SLC6A14: variants seen among roughly 807,000 people sequenced by gnomAD.
SLC6A14 encodes sodium- and chloride-dependent neutral and basic amino acid transporter B(0+).
In SLC6A14, 21 loss-of-function variants were observed where a neutral mutation model predicts 51.4. That is an observed-to-expected ratio of 0.41 (90% CI 0.29 to 0.59). The LOEUF is 0.59. Among genes scored for constraint, SLC6A14 ranks in the 20% least tolerant of loss-of-function variants. The pLI, the probability that SLC6A14 is intolerant of heterozygous loss-of-function variation, is 0.31. For missense variants in SLC6A14, 371 were observed against 472.8 expected (o/e 0.78, Z 2.00); for synonymous variants, 177 against 160.7 (o/e 1.10, Z -0.77).
At chrX:116,450,876 T>G (rs1263436107) in intron 7 of SLC6A14, among the ~76,000 whole-genome samples, 1 of 111,833 alleles carries the variant, frequency 8.9e-6, no homozygotes, top group Non-Finnish European at 1.9e-5. Context: ...CAGGCAGAGA[T>G]TACAGTGAGC....
intron 3 of SLC6A14, 71 bp downstream of exon 3, chrX:116,441,168 T>C (rs1927589615): frequency 1.9e-6 from 2 of 1,061,550 alleles, no homozygotes; most frequent in Admixed American, 4.9e-5. Context: ...TTTGTGCATA[T>C]AGCTACCTTC....
At position 116,459,597 on chromosome X, in the gene SLC6A14, A is replaced by G. The variant is rs908550505; in HGVS notation, c.*642A>G. On this transcript the variant is annotated 3_prime_UTR_variant, in exon 14 of 14. Coordinates refer to ENST00000598581, the MANE Select transcript of SLC6A14 (RefSeq NM_007231.5). ...TTTATAAAAAGTGAAATAAGATGGAAAAATAAGGATCCTACAGCCAGTAAG... is the reference window on the plus strand; with the variant it reads ...TTTATAAAAAGTGAAATAAGATGGAGAAATAAGGATCCTACAGCCAGTAAG... 8.9e-6 allele frequency: 1 copy of G among 112,079 alleles called. No individual in the cohort carries two copies. The highest frequency in any genetic ancestry group is 3.2e-5 in the African/African-American group (1 of 30,855). 9.2% of individuals were successfully genotyped at this position (112,079 alleles called of 1,213,427 possible). A position where few individuals can be genotyped will look rare whatever the true frequency, so the allele number is the denominator to read the frequency against.
rs1927900693 is a variant in SLC6A14, at chrX:116,455,010, T to C, written c.1438T>C (p.Phe480Leu). 1 of 1,205,319 alleles carries C rather than the reference T, an allele frequency of 8.3e-7. No homozygotes were observed. The highest frequency in any genetic ancestry group is 1.8e-5 in the African/African-American group (1 of 57,124). Residue 480 changes from phenylalanine (F) to leucine (L), a missense_variant, in exon 11 of 14, where the codon TTC (phenylalanine) becomes CTC (leucine). Transcript: ENST00000598581. ...GIYWVHLIDH[F>L]CAGWGILIAA... ...TTACTGGGTTCATCTGATTGACCAC[T>C]TCTGTGCTGGATGGGGCATTTTAAT...
chrX:116,454,123 T>G (rs1168141314), intron 9 of SLC6A14, among the ~76,000 whole-genome samples: 1 of 110,934 alleles, frequency 9.0e-6, no homozygotes, highest in African/African-American at 3.3e-5. Flanking sequence ...AAACAGCAAA[T>G]AGCGCTGCAT....
At position 116,447,678 on chromosome X, in the gene SLC6A14, A is replaced by G. The variant is rs1488691626; in HGVS notation, c.930+797A>G. The stretch of plus-strand genomic sequence containing the variant: ...AATGGCACAATCTCTGCTCACTGCA[A>G]ACTGCCTCCCAGGTTCAAGCAATTC... On this transcript the variant is annotated intron_variant, in intron 7 of 13. Coordinates refer to ENST00000598581, the MANE Select transcript of SLC6A14 (RefSeq NM_007231.5). Among the ~76,000 whole-genome samples the G allele has an allele frequency of 7.3e-5, 8 of 109,448 alleles. No homozygotes were observed. In the East Asian group the frequency reaches 2.3e-3, roughly 32 times the overall value.
Position 116,459,536 on chromosome X carries a change from C to T in SLC6A14, c.*581C>T, listed in dbSNP as rs1321518052. 1 of 111,496 alleles carries T rather than the reference C, an allele frequency of 9.0e-6. No individual in the cohort carries two copies. The highest frequency in any genetic ancestry group is 1.9e-5 in the Non-Finnish European group (1 of 53,001). 9.2% of individuals were successfully genotyped at this position (111,496 alleles called of 1,213,427 possible). A position where few individuals can be genotyped will look rare whatever the true frequency, so the allele number is the denominator to read the frequency against. On this transcript the variant is annotated 3_prime_UTR_variant, in exon 14 of 14. Coordinates refer to ENST00000598581, the MANE Select transcript of SLC6A14 (RefSeq NM_007231.5). ...TAAAAACTTCGTGCATTTGTTACAG[C>T]TCATGTTTTCTATATGAACTTAGTC...
At chrX:116,446,591 A>T in intron 6 of SLC6A14, 150 bp from the exon 7 acceptor site, 1 of 400,612 alleles carries the variant, frequency 2.5e-6, no homozygotes. Flanking sequence ...CAAATAAGAA[A>T]TTATGCTAAC....
chrX:116,457,440 T>G (rs1927955590), intron 12 of SLC6A14, among the ~76,000 whole-genome samples, 169 bp from the exon 13 acceptor site: 1 of 111,985 alleles, frequency 8.9e-6, no homozygotes, highest in African/African-American at 3.2e-5. Flanking sequence ...TTTGGTTCAT[T>G]CCATATTGTT....
At position 116,455,021 on chromosome X, in the gene SLC6A14, A is replaced by T. The variant is rs781801485; in HGVS notation, c.1449A>T (p.Gly483=). 1.7e-6 allele frequency: 2 copies of T among 1,207,170 alleles called. No individual in the cohort carries two copies. The highest frequency in any genetic ancestry group is 4.4e-5 in the Admixed American group (2 of 45,849). ...WVHLIDHFCA[G]WGILIAAILE... ...ATCTGATTGACCACTTCTGTGCTGG[A>T]TGGGGCATTTTAATTGCAGCTATAC... Residue 483 remains glycine, a synonymous_variant, in exon 11 of 14, where the codon GGA becomes GGT. Transcript: ENST00000598581.
chrX:116,442,542 G>A, intron 3 of SLC6A14, 145 bp from the exon 4 acceptor site: 1 of 421,202 alleles, frequency 2.4e-6, no homozygotes, highest in Non-Finnish European at 3.8e-6. Context: ...TAGGATTATA[G>A]GCATGAGCCA....
At position 116,440,869 on chromosome X, in the gene SLC6A14, A is replaced by C. The variant is rs782189474; in HGVS notation, c.215-97A>C. 2.2e-5 allele frequency: 21 copies of C among 935,777 alleles called. No individual in the cohort carries two copies. The South Asian group carries it at 5.2e-4, about 23-fold the overall frequency. 77.1% of individuals were successfully genotyped at this position (935,777 alleles called of 1,213,427 possible). ...CCAAACCCAGCGCTCTTTGATTCCA[A>C]TATATCAGGATGCTTTTAAAGTGTT... On this transcript the variant is annotated intron_variant, in intron 2 of 13. Transcript: ENST00000598581.
intron 7 of SLC6A14, among the ~76,000 whole-genome samples, chrX:116,449,410 CATGTA>C (rs1427232078): frequency 2.2e-4 from 24 of 111,482 alleles, no homozygotes; most frequent in African/African-American, 6.5e-4. Context: ...CACACAGGCA[CATGTA>C]ATGTATCAAG....
At chrX:116,441,898 A>G (rs1927604656) in intron 3 of SLC6A14, among the ~76,000 whole-genome samples, 1 of 111,827 alleles carries the variant, frequency 8.9e-6, no homozygotes. Flanking sequence ...CCATCCCTCC[A>G]GGTCATTATT....
chrX:116,437,969 C>CGGGGGGCG lies in SLC6A14; in HGVS notation c.214+14_214+15insGGGGGGCG. On this transcript the variant is annotated intron_variant, in intron 2 of 13. Coordinates refer to ENST00000598581, the MANE Select transcript of SLC6A14 (RefSeq NM_007231.5). Reference sequence around the variant, plus strand: ...GCAATGGTGGAGGTATTCTATTTCACCCCCACCCTCCCACCCCCGCTTTTC... The same window carrying CGGGGGGCG: ...GCAATGGTGGAGGTATTCTATTTCACGGGGGGCGCCCCACCCTCCCACCCCCGCTTTTC... 5.5e-6 allele frequency: 6 copies of CGGGGGGCG among 1,096,553 alleles called. No homozygotes were observed. The highest frequency in any genetic ancestry group is 7.3e-6 in the Non-Finnish European group (6 of 820,864). 90.4% of individuals were successfully genotyped at this position (1,096,553 alleles called of 1,213,427 possible). A position where few individuals can be genotyped will look rare whatever the true frequency, so the allele number is the denominator to read the frequency against.
Position 116,455,025 on chromosome X carries a change from G to A in SLC6A14, c.1453G>A (p.Gly485Ser), listed in dbSNP as rs782463590. 1.7e-6 allele frequency: 2 copies of A among 1,206,012 alleles called. No homozygotes were observed. The highest frequency in any genetic ancestry group is 3.5e-5 in the South Asian group (2 of 56,490). ...HLIDHFCAGW[G>S]ILIAAILELV... is the part of the protein sequence containing the mutation. ...GATTGACCACTTCTGTGCTGGATGG[G>A]GCATTTTAATTGCAGCTATACTGGA... The change falls in exon 11 of 14, where the codon GGC becomes AGC. Residue 485 changes from glycine (G) to serine (S), a missense_variant. Physicochemically the swap from Gly to Ser is moderately conservative, Grantham distance 56. This residue lies in a region of SLC6A14 where 277 missense variants were observed against 391.8 expected (regional missense o/e 0.71). Coordinates refer to ENST00000598581, the MANE Select transcript of SLC6A14 (RefSeq NM_007231.5).
At chrX:116,439,359 A>G (rs989530727) in intron 2 of SLC6A14, among the ~76,000 whole-genome samples, 1 of 111,876 alleles carries the variant, frequency 8.9e-6, no homozygotes, top group African/African-American at 3.2e-5. Flanking sequence ...GGCACTCTCA[A>G]TCCTTCTTTC....
At chrX:116,453,609 C>T (rs570883776) in intron 9 of SLC6A14, among the ~76,000 whole-genome samples, 34 of 111,296 alleles carry the variant, frequency 3.1e-4, no homozygotes, top group Middle Eastern at 9.3e-3. Flanking sequence ...GATACACAGG[C>T]ATATAGATCT....
intron 5 of SLC6A14, among the ~76,000 whole-genome samples, chrX:116,444,576 G>A (rs1392087460): frequency 3.6e-5 from 4 of 111,774 alleles, no homozygotes; most frequent in African/African-American, 1.3e-4. Context: ...AGAAAATACT[G>A]TAATAGTAAA....
intron 7 of SLC6A14, among the ~76,000 whole-genome samples, chrX:116,450,751 A>G (rs782330302): frequency 3.5e-4 from 39 of 111,703 alleles, no homozygotes; most frequent in Non-Finnish European, 5.8e-4. Flanking sequence ...AGTCTGGCCA[A>G]CATGGTGAAA....
Sources: allele counts gnomAD v4.1 joint callset (sites outside exome capture counted in the v4.1 genomes callset), GRCh38; gene constraint gnomAD v4.1.1; regional missense constraint gnomAD v4.1.1; transcripts MANE v1.5; gene names NCBI Gene and HGNC (gene_info 2026-07-23, HGNC 2026-07-21).